The following PCP4L1 variants were observed in gnomAD, a reference collection of about 807,000 sequenced individuals.
PCP4L1 encodes Purkinje cell protein 4-like protein 1.
PCP4L1 carries 9 observed loss-of-function variants against 9.6 expected under a neutral mutation model. That is an observed-to-expected ratio of 0.94 (90% CI 0.57 to 1.64). PCP4L1 has a LOEUF of 1.64. PCP4L1 is among the 40% of genes most tolerant of loss of function. The pLI is 0.00. For synonymous variants in PCP4L1, 31 were observed against 28.2 expected, an observed-to-expected ratio of 1.10 and a Z score of -0.31; for missense variants, 81 against 80.8, an observed-to-expected ratio of 1.00 and a Z score of -0.01.
intron 1 of PCP4L1, among the ~76,000 whole-genome samples, chr1:161,276,596 G>A (rs1275027301): frequency 3.3e-5 from 5 of 151,646 alleles, no homozygotes; most frequent in African/African-American, 1.2e-4. Flanking sequence ...TGCGAGGATC[G>A]CTGGAGCCTG....
At chr1:161,276,757 A>ATC (rs1340031487) in intron 1 of PCP4L1, among the ~76,000 whole-genome samples, 3 of 133,310 alleles carry the variant, frequency 2.3e-5, no homozygotes, top group Non-Finnish European at 4.8e-5. Flanking sequence ...GTATATATGT[A>ATC]TGTATATATA....
At chr1:161,264,805 G>T (rs1669502398) in intron 1 of PCP4L1, among the ~76,000 whole-genome samples, 1 of 152,180 alleles carries the variant, frequency 6.6e-6, no homozygotes, top group Non-Finnish European at 1.5e-5. Context: ...CTCCAGCCTG[G>T]GCGATAGAGT....
intron 1 of PCP4L1, among the ~76,000 whole-genome samples, chr1:161,259,364 G>C (rs1669381378): frequency 6.6e-6 from 1 of 152,038 alleles, no homozygotes; most frequent in South Asian, 2.1e-4. Flanking sequence ...CTCTCTCCTA[G>C]GGATGTAAGG....
At position 161,284,495 on chromosome 1, in the gene PCP4L1, CCCTTCA is replaced by C. The variant is rs1669875580; in HGVS notation, c.*27_*32del. On this transcript the variant is annotated 3_prime_UTR_variant, in exon 3 of 3. Transcript: ENST00000504449. ...CCCAGCTCCTGAATGGCCAGGCTTG[CCCTTCA>C]CCTTCACCTTCATGCTGGTCCCTTC... 6.2e-7 allele frequency: 1 copy of C among 1,608,920 alleles called. No individual in the cohort carries two copies. Among genetic ancestry groups the C allele is most frequent in the Non-Finnish European group, 8.5e-7 (1 of 1,177,478 alleles).
intron 1 of PCP4L1, among the ~76,000 whole-genome samples, chr1:161,262,174 C>T (rs1039081296): frequency 2.6e-5 from 4 of 152,048 alleles, no homozygotes; most frequent in African/African-American, 7.2e-5. Context: ...GTGGCTCACG[C>T]GTGTAATCCC....
At chr1:161,271,513 C>T (rs1011468017) in intron 1 of PCP4L1, among the ~76,000 whole-genome samples, 1 of 151,538 alleles carries the variant, frequency 6.6e-6, no homozygotes, top group Non-Finnish European at 1.5e-5. Flanking sequence ...TTTTTTTCCC[C>T]TCACCCCCAA....
rs181302845 is a variant in PCP4L1, at chr1:161,272,671, G to T, written c.10-10997G>T. Among the ~76,000 whole-genome samples the T allele has an allele frequency of 9.9e-5, 15 of 151,774 alleles. No individual in the cohort carries two copies. In the South Asian group the frequency reaches 1.0e-3, roughly 11 times the overall value. The stretch of plus-strand genomic sequence containing the variant: ...GGAAAAGAAATTCAGGTTGAGGGAG[G>T]CTTTTATTTATTTATTTATTTTTAT... On this transcript the variant is annotated intron_variant, in intron 1 of 2. Coordinates refer to ENST00000504449, the MANE Select transcript of PCP4L1 (RefSeq NM_001102566.2).
At chr1:161,270,455 T>G (rs187741240) in intron 1 of PCP4L1, among the ~76,000 whole-genome samples, 1 of 149,588 alleles carries the variant, frequency 6.7e-6, no homozygotes, top group Non-Finnish European at 1.5e-5. Context: ...TATATTGAAA[T>G]CCTAACCCCC....
chr1:161,276,046 C>T (rs532681728), intron 1 of PCP4L1, among the ~76,000 whole-genome samples: 5 of 152,206 alleles, frequency 3.3e-5, no homozygotes, highest in African/African-American at 2.4e-5. Flanking sequence ...CCGCCTGCTT[C>T]GGCCTCCCAA....
intron 1 of PCP4L1, among the ~76,000 whole-genome samples, chr1:161,278,244 G>T (rs1186972393): frequency 6.6e-6 from 1 of 152,102 alleles, no homozygotes; most frequent in African/African-American, 2.4e-5. Flanking sequence ...TATACAGGCA[G>T]ATCCAGCTTA....
Position 161,258,890 on chromosome 1 carries a change from CT to C in PCP4L1, c.-82del. On this transcript the variant is annotated 5_prime_UTR_variant, in exon 1 of 3. Transcript: ENST00000504449. Reference sequence around the variant, plus strand: ...TAACCCCTGCCGCAGAGCCCGGCAACTTTCAGCTGTCGCCCGCGGAGCCCCG... The same window carrying C: ...TAACCCCTGCCGCAGAGCCCGGCAACTTCAGCTGTCGCCCGCGGAGCCCCG... 2 of 1,531,148 alleles carry C rather than the reference CT, an allele frequency of 1.3e-6. No individual in the cohort carries two copies. Among genetic ancestry groups the C allele is most frequent in the Non-Finnish European group, 1.8e-6 (2 of 1,142,702 alleles). 94.8% of individuals were successfully genotyped at this position (1,531,148 alleles called of 1,614,324 possible). A position where few individuals can be genotyped will look rare whatever the true frequency, so the allele number is the denominator to read the frequency against.
chr1:161,269,772 G>A (rs971759984), intron 1 of PCP4L1, among the ~76,000 whole-genome samples: 1 of 152,186 alleles, frequency 6.6e-6, no homozygotes, highest in Non-Finnish European at 1.5e-5. Context: ...GCCGAGGCAG[G>A]AGTACTGCCT....
rs540783764 is a variant in PCP4L1 at position 161,270,631 on chromosome 1, T to C, written c.9+11648T>C. On this transcript the variant is annotated intron_variant, in intron 1 of 2. Transcript: ENST00000504449. ...GCTCATGCCTGTAATCCCAGTACTTTGGGAGGCTTAGGCGGGAGGATCACA... is the reference window on the plus strand; with the variant it reads ...GCTCATGCCTGTAATCCCAGTACTTCGGGAGGCTTAGGCGGGAGGATCACA... 8.0e-5 allele frequency among the ~76,000 whole-genome samples: 12 copies of C among 150,104 alleles called. No homozygotes were observed. In the South Asian group the frequency reaches 2.1e-3, roughly 26 times the overall value.
chr1:161,266,761 GTTA>G (rs1669537862), intron 1 of PCP4L1, among the ~76,000 whole-genome samples: 1 of 152,116 alleles, frequency 6.6e-6, no homozygotes, highest in African/African-American at 2.4e-5. Flanking sequence ...TTCTTTTTCT[GTTA>G]TTATCTTGAG....
At chr1:161,259,324 C>G (rs1669380503) in intron 1 of PCP4L1, among the ~76,000 whole-genome samples, 1 of 152,130 alleles carries the variant, frequency 6.6e-6, no homozygotes, top group Non-Finnish European at 1.5e-5. Context: ...ATTCTGGCTC[C>G]CCTTACCCCC....
At chr1:161,277,427 T>A (rs1669717557) in intron 1 of PCP4L1, among the ~76,000 whole-genome samples, 1 of 152,186 alleles carries the variant, frequency 6.6e-6, no homozygotes, top group Non-Finnish European at 1.5e-5. Flanking sequence ...TTGGGCAAGT[T>A]CCTCAACATC....
At chr1:161,272,955 G>T (rs1238713406) in intron 1 of PCP4L1, among the ~76,000 whole-genome samples, 1 of 152,080 alleles carries the variant, frequency 6.6e-6, no homozygotes, top group Non-Finnish European at 1.5e-5. Flanking sequence ...TACTCCTGGG[G>T]AAAGTATTAG....
At chr1:161,262,450 A>G (rs1001818885) in intron 1 of PCP4L1, among the ~76,000 whole-genome samples, 20 of 151,056 alleles carry the variant, frequency 1.3e-4, no homozygotes, top group Non-Finnish European at 2.8e-4. Context: ...AAAAAAAAAA[A>G]AAAAAAGAAA....
At chr1:161,273,718 C>T (rs1052512906) in intron 1 of PCP4L1, among the ~76,000 whole-genome samples, 4 of 152,154 alleles carry the variant, frequency 2.6e-5, no homozygotes, top group African/African-American at 9.7e-5. Flanking sequence ...AAACCAGAAT[C>T]AGGGTGATTA....
Sources: allele counts gnomAD v4.1 joint callset (sites outside exome capture counted in the v4.1 genomes callset), GRCh38; gene constraint gnomAD v4.1.1; transcripts MANE v1.5; gene names NCBI Gene and HGNC (gene_info 2026-07-23, HGNC 2026-07-21).